GNB4: variants seen among roughly 807,000 people sequenced by gnomAD.
The protein encoded by GNB4 is guanine nucleotide-binding protein subunit beta-4.
GNB4 carries 28 observed loss-of-function variants against 45.2 expected under a neutral mutation model. That is an observed-to-expected ratio of 0.62 (90% CI 0.46 to 0.85). The LOEUF (loss-of-function observed/expected upper bound fraction) is 0.85, where lower values mean the gene tolerates loss of function less well. Ranked by LOEUF, GNB4 falls within the 40% of genes least tolerant of loss-of-function variation. The pLI, the probability that GNB4 is intolerant of heterozygous loss-of-function variation, is 0.00. For synonymous variants in GNB4, 132 were observed against 143.7 expected (o/e 0.92, Z 0.58); for missense variants, 321 against 425.4 (o/e 0.75, Z 2.16).
chr3:179,466,343 C>T, the GNB4 span, among the ~76,000 whole-genome samples: 1 of 152,146 alleles, frequency 6.6e-6, no homozygotes, highest in Non-Finnish European at 1.5e-5. Context: ...ACAGGTTGTG[C>T]CAAGCTAGGA....
chr3:179,519,998 C>T, the GNB4 span, among the ~76,000 whole-genome samples: 77 of 152,284 alleles, frequency 5.1e-4, no homozygotes, highest in East Asian at 2.1e-3. Context: ...TCAGGATCTG[C>T]GCCTTATCAA....
the GNB4 span, among the ~76,000 whole-genome samples, chr3:179,481,120 G>A: frequency 2.6e-5 from 4 of 151,910 alleles, no homozygotes; most frequent in Admixed American, 6.5e-5. Flanking sequence ...CAAAGTGCTG[G>A]GATTACAGGC....
chr3:179,455,003 C>T (rs1715957442), upstream of GNB4, among the ~76,000 whole-genome samples: 1 of 152,144 alleles, frequency 6.6e-6, no homozygotes, highest in Non-Finnish European at 1.5e-5. Context: ...TAAAGCCTTC[C>T]CTCTTGCTCA....
intron 6 of GNB4, 35 bp from the exon 7 acceptor site, chr3:179,413,816 A>G (rs1226829362): frequency 2.0e-6 from 3 of 1,488,942 alleles, no homozygotes; most frequent in South Asian, 2.3e-5. Flanking sequence ...TTAGGTTATC[A>G]CTGATTGAAT....
At chr3:179,495,066 A>C in the GNB4 span, among the ~76,000 whole-genome samples, 3 of 152,102 alleles carry the variant, frequency 2.0e-5, no homozygotes, top group African/African-American at 7.2e-5. Flanking sequence ...ACACTACTTA[A>C]ATTGTCAAAA....
chr3:179,415,389 C>A (rs753601537), intron 5 of GNB4, among the ~76,000 whole-genome samples: 4 of 152,230 alleles, frequency 2.6e-5, no homozygotes, highest in South Asian at 4.1e-4. Flanking sequence ...AGAATTTTCA[C>A]TTTTGTAATA....
chr3:179,411,435 A>T (rs983935903), intron 8 of GNB4, among the ~76,000 whole-genome samples: 1 of 151,586 alleles, frequency 6.6e-6, no homozygotes, highest in Non-Finnish European at 1.5e-5. Flanking sequence ...ATATTTACTT[A>T]TATTTGTAAA....
intron 8 of GNB4, among the ~76,000 whole-genome samples, chr3:179,411,184 G>A (rs532130375): frequency 2.0e-5 from 3 of 152,074 alleles, no homozygotes; most frequent in South Asian, 4.2e-4. Flanking sequence ...GAGCCAAATG[G>A]AAAATTTCAG....
At chr3:179,516,919 C>T in the GNB4 span, among the ~76,000 whole-genome samples, 1 of 152,066 alleles carries the variant, frequency 6.6e-6, no homozygotes, top group Non-Finnish European at 1.5e-5. Context: ...TTTTGATGGC[C>T]CTTGCAGTGA....
the GNB4 span, among the ~76,000 whole-genome samples, chr3:179,463,324 A>T: frequency 6.6e-6 from 1 of 152,218 alleles, no homozygotes; most frequent in Non-Finnish European, 1.5e-5. Context: ...TGTCTCCCCA[A>T]ACAGAAGGTA....
At chr3:179,483,071 G>T in the GNB4 span, among the ~76,000 whole-genome samples, 1 of 152,104 alleles carries the variant, frequency 6.6e-6, no homozygotes, top group African/African-American at 2.4e-5. Flanking sequence ...TAGTCATTTT[G>T]TTCTGCCTTC....
intron 5 of GNB4, among the ~76,000 whole-genome samples, chr3:179,415,345 GA>G (rs1184285783): frequency 1.3e-5 from 2 of 152,108 alleles, no homozygotes; most frequent in African/African-American, 4.8e-5. Flanking sequence ...ACTGCCATTT[GA>G]AAAATTAAGT....
At chr3:179,488,970 T>C in the GNB4 span, among the ~76,000 whole-genome samples, 2 of 98,726 alleles carry the variant, frequency 2.0e-5, no homozygotes, top group African/African-American at 4.0e-5. Flanking sequence ...GGTGACACAG[T>C]GAGATCCTGT....
At chr3:179,436,256 G>C (rs956884683) in intron 1 of GNB4, among the ~76,000 whole-genome samples, 5 of 152,090 alleles carry the variant, frequency 3.3e-5, no homozygotes, top group Non-Finnish European at 7.4e-5. Flanking sequence ...AAATTAGCCA[G>C]GCGCATGCCT....
the GNB4 span, among the ~76,000 whole-genome samples, chr3:179,501,427 T>A: frequency 6.6e-6 from 1 of 151,782 alleles, no homozygotes; most frequent in Non-Finnish European, 1.5e-5. Flanking sequence ...GCCTCTTGAG[T>A]AGTTGGGACC....
chr3:179,523,736 G>A, the GNB4 span, among the ~76,000 whole-genome samples: 2 of 152,114 alleles, frequency 1.3e-5, no homozygotes, highest in Non-Finnish European at 2.9e-5. Flanking sequence ...CGTGTGATTG[G>A]TTGCCACGGA....
At position 179,401,198 on chromosome 3, in the gene GNB4, A is replaced by G. The variant is rs1714288025; in HGVS notation, c.*15T>C. 6.4e-7 allele frequency: 1 copy of G among 1,568,714 alleles called. No individual in the cohort carries two copies. The highest frequency in any genetic ancestry group is 1.4e-5 in the African/African-American group (1 of 73,838). ...CTCCAGATATATCAATGGAGAACAA[A>G]TATGTATGACACTGTTAATTCCAGA... On this transcript the variant is annotated 3_prime_UTR_variant, in exon 10 of 10. Coordinates refer to ENST00000232564, the MANE Select transcript of GNB4 (RefSeq NM_021629.4).
At chr3:179,458,691 C>T in the GNB4 span, among the ~76,000 whole-genome samples, 23 of 152,076 alleles carry the variant, frequency 1.5e-4, no homozygotes, top group Non-Finnish European at 2.6e-4. Context: ...ACCTGTGATA[C>T]AATATAAATG....
intron 1 of GNB4, among the ~76,000 whole-genome samples, chr3:179,429,264 A>G (rs551742923): frequency 3.3e-5 from 5 of 152,222 alleles, no homozygotes; most frequent in Non-Finnish European, 7.3e-5. Context: ...CAGTGTCTCT[A>G]GGCTGTGATG....
Sources: gnomAD v4.1 joint callset for allele counts (sites outside exome capture counted in the v4.1 genomes callset) on GRCh38, gnomAD v4.1.1 for gene constraint, MANE v1.5 for transcripts, NCBI Gene and HGNC (gene_info 2026-07-23, HGNC 2026-07-21) for gene names.